The following TNIK variants were observed in gnomAD, a reference collection of about 807,000 sequenced individuals.
TNIK encodes TRAF2 and NCK-interacting protein kinase.
TNIK carries 49 observed loss-of-function variants against 191.3 expected under a neutral mutation model. The ratio of observed to expected loss-of-function variants is 0.26; its 90% confidence interval spans 0.20 to 0.32. The LOEUF is 0.32. Ranked by LOEUF, TNIK falls within the 10% of genes least tolerant of loss-of-function variation. TNIK has a pLI of 1.00. For missense variants in TNIK, 1,155 were observed against 1,702.3 expected (o/e 0.68, Z 5.66); for synonymous variants, 594 against 600.9 (o/e 0.99, Z 0.17).
chr3:171,396,066 G>C (rs918185492), intron 1 of TNIK, among the ~76,000 whole-genome samples: 1 of 151,948 alleles, frequency 6.6e-6, no homozygotes, highest in African/African-American at 2.4e-5. Context: ...GCCTCAAAAA[G>C]AAACCCCATA....
chr3:171,288,230 AGTGG>A (rs1187363884), intron 2 of TNIK, among the ~76,000 whole-genome samples: 3 of 148,650 alleles, frequency 2.0e-5, no homozygotes, highest in Non-Finnish European at 4.5e-5. Flanking sequence ...ATGACGAGTT[AGTGG>A]GTGCAGCGCA....
rs182876008 is a variant in TNIK, at chr3:171,335,579, T to C, written c.123+34041A>G. On this transcript the variant is annotated intron_variant, in intron 2 of 32. Transcript: ENST00000436636. Reference sequence around the variant, plus strand: ...GCATAACAATTTTGGGATTCATTCATGCTGTTGCATGTATCAGTAGCTCAT... The same window carrying C: ...GCATAACAATTTTGGGATTCATTCACGCTGTTGCATGTATCAGTAGCTCAT... Among the ~76,000 whole-genome samples, 3 of 152,370 alleles carry C rather than the reference T, an allele frequency of 2.0e-5. No homozygotes were observed. In the East Asian group the frequency reaches 5.8e-4, roughly 29 times the overall value.
At chr3:171,118,140 C>G (rs1727052586) in intron 18 of TNIK, among the ~76,000 whole-genome samples, 1 of 151,674 alleles carries the variant, frequency 6.6e-6, no homozygotes, top group Admixed American at 6.6e-5. Context: ...CATTCTTATA[C>G]ACCAATAACA....
At chr3:171,092,739 A>G (rs934976388) in intron 23 of TNIK, among the ~76,000 whole-genome samples, 3 of 152,246 alleles carry the variant, frequency 2.0e-5, no homozygotes, top group African/African-American at 7.2e-5. Context: ...TTATTATTTC[A>G]AAGGCCTTAT....
At chr3:171,208,764 T>C (rs996340475) in intron 4 of TNIK, among the ~76,000 whole-genome samples, 1 of 152,168 alleles carries the variant, frequency 6.6e-6, no homozygotes, top group Non-Finnish European at 1.5e-5. Flanking sequence ...TTCACCATGT[T>C]GGTCAGGCTG....
At chr3:171,287,527 T>TC (rs1269457972) in intron 2 of TNIK, among the ~76,000 whole-genome samples, 1 of 152,224 alleles carries the variant, frequency 6.6e-6, no homozygotes, top group East Asian at 1.9e-4. Context: ...CATGGAAGTC[T>TC]CCTAACAATT....
At chr3:171,394,634 A>T (rs1055475185) in intron 1 of TNIK, among the ~76,000 whole-genome samples, 2 of 152,266 alleles carry the variant, frequency 1.3e-5, no homozygotes, top group East Asian at 3.8e-4. Flanking sequence ...TCCTCAGTTC[A>T]TAAGACACCT....
At chr3:171,327,711 G>T (rs1322833258) in intron 2 of TNIK, among the ~76,000 whole-genome samples, 1 of 151,778 alleles carries the variant, frequency 6.6e-6, no homozygotes, top group Non-Finnish European at 1.5e-5. Context: ...GGGAGCAAAG[G>T]GGGGTGTGTA....
intron 2 of TNIK, among the ~76,000 whole-genome samples, chr3:171,259,675 T>C (rs550503055): frequency 6.6e-6 from 1 of 152,146 alleles, no homozygotes; most frequent in Non-Finnish European, 1.5e-5. Flanking sequence ...TAATAGAAAT[T>C]AAGGCAAAAA....
At chr3:171,352,808 C>T (rs1400555113) in intron 2 of TNIK, among the ~76,000 whole-genome samples, 5 of 152,166 alleles carry the variant, frequency 3.3e-5, no homozygotes, top group African/African-American at 1.2e-4. Context: ...ACGCCTCCTT[C>T]TAAGGTACTT....
At chr3:171,190,383 A>T (rs1189482768) in intron 6 of TNIK, among the ~76,000 whole-genome samples, 1 of 152,234 alleles carries the variant, frequency 6.6e-6, no homozygotes, top group Non-Finnish European at 1.5e-5. Flanking sequence ...TAGCAGCAAC[A>T]GTATAAACAA....
chr3:171,252,538 T>G (rs1746361707), intron 2 of TNIK, among the ~76,000 whole-genome samples: 1 of 152,246 alleles, frequency 6.6e-6, no homozygotes. Context: ...GTGGGTAACA[T>G]GCATATTAAA....
chr3:171,293,642 T>C (rs1327028740), intron 2 of TNIK, among the ~76,000 whole-genome samples: 2 of 152,252 alleles, frequency 1.3e-5, no homozygotes, highest in Non-Finnish European at 2.9e-5. Context: ...AAATAGCATC[T>C]AGCTAGAAAT....
intron 2 of TNIK, among the ~76,000 whole-genome samples, chr3:171,326,968 T>G (rs1026842097): frequency 5.9e-5 from 9 of 152,126 alleles, no homozygotes; most frequent in Non-Finnish European, 1.5e-5. Flanking sequence ...CCTACCCTAC[T>G]CTGCCCCTGA....
intron 12 of TNIK, among the ~76,000 whole-genome samples, chr3:171,142,897 A>G (rs949692432): frequency 2.0e-5 from 3 of 152,228 alleles, no homozygotes; most frequent in African/African-American, 7.2e-5. Flanking sequence ...GGAAAGGAAA[A>G]TAATCAAGCC....
intron 2 of TNIK, among the ~76,000 whole-genome samples, chr3:171,256,744 G>T (rs1746929044): frequency 6.6e-6 from 1 of 152,130 alleles, no homozygotes; most frequent in African/African-American, 2.4e-5. Flanking sequence ...TCCCCATTCT[G>T]ACTTGGGAGT....
In TNIK at chr3:171,269,576, TCAAAA is replaced by T. The variant is rs1240661213; in HGVS notation, c.124-41360_124-41356del. Among the ~76,000 whole-genome samples, 3 of 152,352 alleles carry T rather than the reference TCAAAA, an allele frequency of 2.0e-5. No homozygotes were observed. In the East Asian group the frequency reaches 5.8e-4, roughly 29 times the overall value. Reference sequence around the variant, plus strand: ...GATAGCTTTAATTCAGTGGTGGCACTCAAAACAGAACCACAGACACAATATCAGCT... The same window carrying T: ...GATAGCTTTAATTCAGTGGTGGCACTCAGAACCACAGACACAATATCAGCT... On this transcript the variant is annotated intron_variant, in intron 2 of 32. Coordinates refer to ENST00000436636, the MANE Select transcript of TNIK (RefSeq NM_015028.4).
chr3:171,330,456 T>A (rs1398228386), intron 2 of TNIK, among the ~76,000 whole-genome samples: 1 of 152,218 alleles, frequency 6.6e-6, no homozygotes, highest in African/African-American at 2.4e-5. Context: ...AATTTTCTTT[T>A]CTTCTCCCTC....
At chr3:171,145,304 T>A (rs993289128) in intron 12 of TNIK, among the ~76,000 whole-genome samples, 3 of 152,204 alleles carry the variant, frequency 2.0e-5, no homozygotes, top group Admixed American at 2.0e-4. Context: ...GCCAGGATGG[T>A]CTCGATCTCC....
Sources: gnomAD v4.1 joint callset for allele counts (sites outside exome capture counted in the v4.1 genomes callset) on GRCh38, gnomAD v4.1.1 for gene constraint, MANE v1.5 for transcripts, NCBI Gene and HGNC (gene_info 2026-07-23, HGNC 2026-07-21) for gene names.